The following ATP8A1 variants were observed in gnomAD, a reference collection of about 807,000 sequenced individuals.
The protein encoded by ATP8A1 is ATPase phospholipid transporting 8A1.
A neutral mutation model predicts 177.7 loss-of-function variants in ATP8A1; 90 were observed. The observed-to-expected ratio is 0.51, with a 90% CI of 0.43 to 0.60. The LOEUF is 0.60. Among genes scored for constraint, ATP8A1 ranks in the 20% least tolerant of loss-of-function variants. The probability of loss-of-function intolerance (pLI) is 0.00; values close to 1 mark genes in which losing one functional copy is unlikely to be tolerated. For synonymous variants in ATP8A1, 493 were observed against 485.9 expected (o/e 1.01, Z -0.19); for missense variants, 1,072 against 1,392.8 (o/e 0.77, Z 3.67).
chr4:42,439,898 G>T (rs1398099614), intron 33 of ATP8A1, among the ~76,000 whole-genome samples: 1 of 152,178 alleles, frequency 6.6e-6, no homozygotes, highest in Non-Finnish European at 1.5e-5. Context: ...AGCAGACCTG[G>T]GGATCAGACA....
chr4:42,448,826 GCGTTTT>G (rs1717593994), intron 30 of ATP8A1, among the ~76,000 whole-genome samples: 1 of 102,982 alleles, frequency 9.7e-6, no homozygotes, highest in Non-Finnish European at 1.9e-5. Flanking sequence ...TTTGTACTTT[GCGTTTT>G]TTTTTTTTTT....
intron 25 of ATP8A1, among the ~76,000 whole-genome samples, chr4:42,479,736 T>C (rs1560371774): frequency 6.6e-6 from 1 of 152,192 alleles, no homozygotes; most frequent in Non-Finnish European, 1.5e-5. Flanking sequence ...GGAAGGTATA[T>C]ATGTTTATTC....
At chr4:42,494,085 C>A (rs1722998862) in intron 24 of ATP8A1, among the ~76,000 whole-genome samples, 1 of 140,498 alleles carries the variant, frequency 7.1e-6, no homozygotes, top group East Asian at 2.2e-4. Flanking sequence ...TCTGTAATCC[C>A]AGCTACTCAG....
chr4:42,551,841 G>T (rs1729535029), intron 17 of ATP8A1, among the ~76,000 whole-genome samples: 1 of 152,120 alleles, frequency 6.6e-6, no homozygotes, highest in Admixed American at 6.5e-5. Flanking sequence ...CAATTCTTAT[G>T]CTTTTAAGGA....
rs115072938 is a variant in ATP8A1, at chr4:42,428,030, C to T, written c.3124-4325G>A. The stretch of plus-strand genomic sequence containing the variant: ...GCTCATTAGGCAAATGTGCATCCCT[C>T]GGTCTGAATGTTATCCAAGCTGTGA... On this transcript the variant is annotated intron_variant, in intron 33 of 36. Transcript: ENST00000381668. 7.2e-3 allele frequency among the ~76,000 whole-genome samples: 1,099 copies of T among 152,248 alleles called. 12 individuals are homozygous for T. Among genetic ancestry groups the T allele is most frequent in the African/African-American group, 0.025 (1,037 of 41,544 alleles).
chr4:42,507,755 AGTCAGTTAAAAAGGACAGGCATTCT>A lies in ATP8A1; in HGVS notation c.1948-626_1948-602del, dbSNP rs373926212. ...AAAAAAAAAAAAAAAAAAAAAAAAA[AGTCAGTTAAAAAGGACAGGCATTCT>A]AAAAAAAAAAAAAAAAAAAAAAAAA... On this transcript the variant is annotated intron_variant, in intron 22 of 36. Transcript: ENST00000381668. 1.3e-3 allele frequency among the ~76,000 whole-genome samples: 142 copies of A among 111,728 alleles called. 3 individuals carry two copies. Among genetic ancestry groups the A allele is most frequent in the East Asian group, 2.9e-3 (10 of 3,450 alleles). The allele number at this position is 111,728 out of a possible 152,430, so 73.3% of individuals were successfully genotyped here.
chr4:42,457,760 C>T (rs545824670), intron 27 of ATP8A1, among the ~76,000 whole-genome samples: 1 of 152,276 alleles, frequency 6.6e-6, no homozygotes, highest in South Asian at 2.1e-4. Flanking sequence ...AAGATTCTCC[C>T]TCAAATCAAT....
rs146854454 is a variant in ATP8A1, at chr4:42,642,391, A to G, written c.49+14434T>C. On this transcript the variant is annotated intron_variant, in intron 1 of 36. Coordinates refer to ENST00000381668, the MANE Select transcript of ATP8A1 (RefSeq NM_006095.2). ...TGAAGAACCCACTAAGACTGGTCAG[A>G]TGAGACTGGCTCAAAAAGCCAAGAA... is the stretch of plus-strand genomic sequence containing the variant. Among the ~76,000 whole-genome samples the G allele has an allele frequency of 5.5e-4, 84 of 152,322 alleles. 1 individual carries two copies. The highest frequency in any genetic ancestry group is 1.9e-3 in the African/African-American group (81 of 41,576).
At chr4:42,494,162 C>CAA (rs397993131) in intron 24 of ATP8A1, among the ~76,000 whole-genome samples, 13,990 of 53,368 alleles carry the variant, frequency 0.26, 4,702 homozygotes, top group East Asian at 0.45. Context: ...GATCATGCCA[C>CAA]AAAAAAAAAA....
intron 22 of ATP8A1, among the ~76,000 whole-genome samples, chr4:42,507,708 C>A (rs1724520263): frequency 9.4e-6 from 1 of 106,386 alleles, no homozygotes; most frequent in African/African-American, 3.7e-5. Flanking sequence ...CCAGCCTGGG[C>A]AAGAGAGCGA....
At chr4:42,600,727 C>T (rs1420683992) in intron 5 of ATP8A1, among the ~76,000 whole-genome samples, 2 of 152,148 alleles carry the variant, frequency 1.3e-5, no homozygotes, top group Non-Finnish European at 2.9e-5. Flanking sequence ...CACAACATCA[C>T]TAACAGAGAG....
intron 6 of ATP8A1, among the ~76,000 whole-genome samples, chr4:42,591,699 C>T (rs1734200230): frequency 1.3e-5 from 2 of 152,034 alleles, no homozygotes. Context: ...TAAATGTATT[C>T]ATTATTTATT....
intron 30 of ATP8A1, among the ~76,000 whole-genome samples, chr4:42,451,195 C>A (rs999187637): frequency 1.4e-4 from 22 of 152,278 alleles, no homozygotes; most frequent in Admixed American, 1.2e-3. Flanking sequence ...TGGGCAGCAG[C>A]AGGCAGCACT....
At chr4:42,521,694 C>T (rs1228861467) in intron 22 of ATP8A1, among the ~76,000 whole-genome samples, 1 of 152,202 alleles carries the variant, frequency 6.6e-6, no homozygotes, top group African/African-American at 2.4e-5. Flanking sequence ...ATATGTTTGT[C>T]ACAATGACTG....
chr4:42,564,199 G>T lies in ATP8A1; in HGVS notation c.1340+4962C>A, dbSNP rs200205314. On this transcript the variant is annotated intron_variant, in intron 15 of 36. Transcript: ENST00000381668. ...AGGCAAAAGTTTGCTATAGGGGTGGGTCCCTCATGGAGAACCTCTGCTAGC... is the reference window on the plus strand; with the variant it reads ...AGGCAAAAGTTTGCTATAGGGGTGGTTCCCTCATGGAGAACCTCTGCTAGC... Among the ~76,000 whole-genome samples the T allele has an allele frequency of 1.9e-4, 29 of 152,292 alleles. No individual in the cohort carries two copies. The East Asian group carries it at 4.6e-3, about 24-fold the overall frequency.
chr4:42,466,703 G>T (rs978548099), intron 25 of ATP8A1, among the ~76,000 whole-genome samples: 7 of 152,206 alleles, frequency 4.6e-5, no homozygotes, highest in Non-Finnish European at 1.0e-4. Flanking sequence ...TGTGAACTCA[G>T]CAAGGAAATG....
At chr4:42,506,219 G>A (rs1274779902) in intron 23 of ATP8A1, among the ~76,000 whole-genome samples, 1 of 152,112 alleles carries the variant, frequency 6.6e-6, no homozygotes, top group Non-Finnish European at 1.5e-5. Context: ...TAGGAGGTGG[G>A]GTCTTTGGGA....
At chr4:42,477,137 A>G (rs1721153529) in intron 25 of ATP8A1, among the ~76,000 whole-genome samples, 1 of 152,204 alleles carries the variant, frequency 6.6e-6, no homozygotes, top group South Asian at 2.1e-4. Context: ...GTACTTATTA[A>G]GGTTACTGGC....
At position 42,637,559 on chromosome 4, in the gene ATP8A1, C is replaced by T. The variant is rs184831043; in HGVS notation, c.50-10450G>A. Reference sequence around the variant, plus strand: ...AAAGGGTTCACTTTTTAAAAGAGTTCTAAAAATGAAGATTAGGAGACATCA... The same window carrying T: ...AAAGGGTTCACTTTTTAAAAGAGTTTTAAAAATGAAGATTAGGAGACATCA... On this transcript the variant is annotated intron_variant, in intron 1 of 36. Coordinates refer to ENST00000381668, the MANE Select transcript of ATP8A1 (RefSeq NM_006095.2). Among the ~76,000 whole-genome samples the T allele has an allele frequency of 3.3e-5, 5 of 152,252 alleles. No homozygotes were observed. In the East Asian group the frequency reaches 9.6e-4, roughly 29 times the overall value.
Sources: allele counts gnomAD v4.1 joint callset (sites outside exome capture counted in the v4.1 genomes callset), GRCh38; gene constraint gnomAD v4.1.1; transcripts MANE v1.5; gene names NCBI Gene and HGNC (gene_info 2026-07-23, HGNC 2026-07-21).